The following CDH13 variants were observed in gnomAD, a reference collection of about 807,000 sequenced individuals.
The protein encoded by CDH13 is cadherin 13.
CDH13 carries 24 observed loss-of-function variants against 63.8 expected under a neutral mutation model. The ratio of observed to expected loss-of-function variants is 0.38; its 90% CI spans 0.27 to 0.53. The LOEUF (loss-of-function observed/expected upper bound fraction) is 0.53, where lower values mean the gene tolerates loss of function less well. Among genes scored for constraint, CDH13 ranks in the 20% least tolerant of loss-of-function variants. The pLI is 0.85. For missense variants in CDH13, 1,049 were observed against 903.1 expected, an observed-to-expected ratio of 1.16 and a Z score of -2.07; for synonymous variants, 503 against 355.3, an observed-to-expected ratio of 1.42 and a Z score of -4.67.
intron 7 of CDH13, among the ~76,000 whole-genome samples, chr16:83,578,121 A>G (rs1172151215): frequency 1.3e-5 from 2 of 152,194 alleles, no homozygotes; most frequent in Non-Finnish European, 2.9e-5. Flanking sequence ...GCAAAGAGCT[A>G]TGCTTGGTGG....
At chr16:83,086,208 A>T (rs994110582) in intron 3 of CDH13, among the ~76,000 whole-genome samples, 1 of 152,228 alleles carries the variant, frequency 6.6e-6, no homozygotes. Context: ...CGGTTTTCTC[A>T]GACAGAGTCT....
At chr16:82,910,900 C>T (rs1315143068) in intron 2 of CDH13, among the ~76,000 whole-genome samples, 2 of 152,152 alleles carry the variant, frequency 1.3e-5, no homozygotes, top group Non-Finnish European at 2.9e-5. Context: ...TGAGTTTAAT[C>T]AACTCTGACT....
rs936101958 is a variant in CDH13 at position 83,788,467 on chromosome 16, T to A, written c.2134+4995T>A. Among the ~76,000 whole-genome samples, 18 of 12,822 alleles carry A rather than the reference T, an allele frequency of 1.4e-3. No individual in the cohort carries two copies. The Admixed American group carries it at 0.015, about 11-fold the overall frequency. The allele number at this position is 12,822 out of a possible 152,430, so 8.4% of individuals were successfully genotyped here. A position where few individuals can be genotyped will look rare whatever the true frequency, so the allele number is the denominator to read the frequency against. Reference sequence around the variant, plus strand: ...TATTAAGTATTAGTAAACATTGAATTTTTTTTTTTAGATTAAAAAAAAAAG... The same window carrying A: ...TATTAAGTATTAGTAAACATTGAATATTTTTTTTTAGATTAAAAAAAAAAG... On this transcript the variant is annotated intron_variant, in intron 13 of 13. Transcript: ENST00000567109.
intron 1 of CDH13, among the ~76,000 whole-genome samples, chr16:82,765,087 C>T (rs1378656987): frequency 6.6e-6 from 1 of 152,110 alleles, no homozygotes; most frequent in Non-Finnish European, 1.5e-5. Flanking sequence ...AAGTGCACTG[C>T]CTTCATTCAT....
intron 7 of CDH13, among the ~76,000 whole-genome samples, chr16:83,510,549 G>A (rs1172523439): frequency 6.6e-6 from 1 of 152,184 alleles, no homozygotes; most frequent in Non-Finnish European, 1.5e-5. Flanking sequence ...CAGTAACCCT[G>A]GGAATAAGGA....
intron 3 of CDH13, among the ~76,000 whole-genome samples, chr16:83,118,174 G>A (rs1309499398): frequency 6.6e-6 from 1 of 152,184 alleles, no homozygotes; most frequent in African/African-American, 2.4e-5. Context: ...AATCCCACAA[G>A]TCACACATGG....
At chr16:83,191,488 T>TATAC (rs1491581330) in intron 4 of CDH13, among the ~76,000 whole-genome samples, 2 of 95,616 alleles carry the variant, frequency 2.1e-5, no homozygotes, top group Admixed American at 2.2e-4. Flanking sequence ...TATATATATA[T>TATAC]GCACATATAT....
At chr16:82,676,244 T>C (rs1913883332) in intron 1 of CDH13, among the ~76,000 whole-genome samples, 1 of 152,194 alleles carries the variant, frequency 6.6e-6, no homozygotes, top group Admixed American at 6.5e-5. Flanking sequence ...ACATTCTTCT[T>C]ACATGTCTCA....
intron 5 of CDH13, among the ~76,000 whole-genome samples, chr16:83,330,410 C>T (rs1293641107): frequency 6.6e-6 from 1 of 152,176 alleles, no homozygotes; most frequent in Non-Finnish European, 1.5e-5. Flanking sequence ...GATCTCAAAA[C>T]AGAAAGGTTG....
intron 6 of CDH13, among the ~76,000 whole-genome samples, chr16:83,357,454 G>T (rs757662945): frequency 7.9e-5 from 12 of 152,150 alleles, no homozygotes; most frequent in Non-Finnish European, 1.5e-4. Flanking sequence ...GTTTGATGTG[G>T]TTTAACTGGA....
intron 1 of CDH13, chr16:82,844,818 ATT>A (rs150432302): frequency 2.5e-5 from 3 of 120,534 alleles, no homozygotes; most frequent in Non-Finnish European, 1.7e-5. Flanking sequence ...TTTTATTTTT[ATT>A]TTTTTTTTGT....
chr16:82,833,098 A>G (rs1000833872), intron 1 of CDH13, among the ~76,000 whole-genome samples: 1 of 152,214 alleles, frequency 6.6e-6, no homozygotes, highest in African/African-American at 2.4e-5. Context: ...CAGATGGCAG[A>G]CAGAAGGAGA....
At chr16:83,078,772 TTTTG>T (rs914863554) in intron 3 of CDH13, among the ~76,000 whole-genome samples, 3 of 152,138 alleles carry the variant, frequency 2.0e-5, no homozygotes, top group East Asian at 1.9e-4. Flanking sequence ...GCCTCCAGTT[TTTTG>T]TTTGTTTGTT....
intron 10 of CDH13, among the ~76,000 whole-genome samples, chr16:83,687,853 ATTC>A (rs1420489027): frequency 2.0e-5 from 3 of 152,208 alleles, no homozygotes; most frequent in African/African-American, 7.2e-5. Context: ...AATTGAGCCT[ATTC>A]TTTGAACACA....
chr16:83,591,817 G>A (rs769171466), intron 7 of CDH13, among the ~76,000 whole-genome samples: 2 of 152,214 alleles, frequency 1.3e-5, no homozygotes, highest in Non-Finnish European at 2.9e-5. Context: ...AAGGTCGAGA[G>A]CGTACTTTTT....
At chr16:83,785,703 G>C (rs567661126) in intron 13 of CDH13, among the ~76,000 whole-genome samples, 52 of 152,114 alleles carry the variant, frequency 3.4e-4, no homozygotes, top group Non-Finnish European at 5.7e-4. Context: ...GGAGATGGTG[G>C]TGGATCTCAA....
chr16:83,194,481 C>G lies in CDH13; in HGVS notation c.484-22864C>G, dbSNP rs74031459. On this transcript the variant is annotated intron_variant, in intron 4 of 13. Transcript: ENST00000567109. ...GATAGAAACATAAATGGAACTGTGTCAGGCCTTCCAAGCTGTCACTGATTA... is the reference window on the plus strand; with the variant it reads ...GATAGAAACATAAATGGAACTGTGTGAGGCCTTCCAAGCTGTCACTGATTA... 3.9e-3 allele frequency among the ~76,000 whole-genome samples: 597 copies of G among 152,316 alleles called. 8 individuals carry two copies. Among genetic ancestry groups the G allele is most frequent in the African/African-American group, 0.014 (574 of 41,564 alleles).
intron 10 of CDH13, among the ~76,000 whole-genome samples, chr16:83,710,753 A>G (rs1249454456): frequency 6.6e-6 from 1 of 152,180 alleles, no homozygotes; most frequent in Non-Finnish European, 1.5e-5. Context: ...TGAAGCGCTT[A>G]GCACCGTGAC....
rs190796403 is a variant in CDH13, at chr16:83,026,360, C to T, written c.158-5650C>T. 9.2e-5 allele frequency among the ~76,000 whole-genome samples: 14 copies of T among 152,276 alleles called. No individual in the cohort carries two copies. In the East Asian group the frequency reaches 1.4e-3, roughly 15 times the overall value. Reference sequence around the variant, plus strand: ...CTAGGCCTTTCTGGATATGGGACCACGAGCTAGTCAGTCAATCTCTCTGAG... The same window carrying T: ...CTAGGCCTTTCTGGATATGGGACCATGAGCTAGTCAGTCAATCTCTCTGAG... On this transcript the variant is annotated intron_variant, in intron 2 of 13. Transcript: ENST00000567109.
Sources: allele counts gnomAD v4.1 joint callset (sites outside exome capture counted in the v4.1 genomes callset), GRCh38; gene constraint gnomAD v4.1.1; transcripts MANE v1.5; gene names NCBI Gene and HGNC (gene_info 2026-07-23, HGNC 2026-07-21).